Variants in PTGER3 observed in about 807,000 individuals in gnomAD.
PTGER3 encodes prostaglandin E receptor 3.
PTGER3 carries 22 observed loss-of-function variants against 34.7 expected under a neutral mutation model. The observed-to-expected ratio is 0.63, with a 90% confidence interval of 0.45 to 0.91. The LOEUF (loss-of-function observed/expected upper bound fraction) is 0.91, where lower values mean the gene tolerates loss of function less well. PTGER3 is among the 40% of genes least tolerant of loss of function. PTGER3 has a pLI of 0.00. For missense variants in PTGER3, 468 were observed against 519.4 expected (o/e 0.90, Z 0.96); for synonymous variants, 241 against 230.1 (o/e 1.05, Z -0.43).
At chr1:70,916,265 C>T (rs1004703240) in intron 4 of PTGER3, among the ~76,000 whole-genome samples, 2 of 151,968 alleles carry the variant, frequency 1.3e-5, no homozygotes, top group African/African-American at 4.8e-5. Context: ...AAAAGGGGAA[C>T]AATTATACAC....
rs1412692417 is a variant in PTGER3 at position 70,954,496 on chromosome 1, C to G, written c.1078-707G>C. ...TGTTCAGACAGTCTTAACATAGTCTCCTCATATTAATCCTCACAGCAATCC... is the reference window on the plus strand; with the variant it reads ...TGTTCAGACAGTCTTAACATAGTCTGCTCATATTAATCCTCACAGCAATCC... On this transcript the variant is annotated intron_variant, in intron 2 of 3. Transcript: ENST00000356595. 2.0e-5 allele frequency among the ~76,000 whole-genome samples: 3 copies of G among 152,092 alleles called. No individual in the cohort carries two copies. In the East Asian group the frequency reaches 5.8e-4, roughly 29 times the overall value.
intron 4 of PTGER3, among the ~76,000 whole-genome samples, chr1:70,867,069 C>T (rs1339634884): frequency 1.3e-5 from 2 of 152,206 alleles, no homozygotes; most frequent in African/African-American, 4.8e-5. Flanking sequence ...GGTTTACCAC[C>T]ACACTGTCAA....
chr1:70,889,686 CT>C (rs1168486149), intron 4 of PTGER3, among the ~76,000 whole-genome samples: 1 of 152,098 alleles, frequency 6.6e-6, no homozygotes, highest in East Asian at 1.9e-4. Flanking sequence ...GTGTTTAATT[CT>C]TTTCATATGG....
chr1:70,881,031 TGG>T (rs1177300404), intron 4 of PTGER3, among the ~76,000 whole-genome samples: 1 of 152,230 alleles, frequency 6.6e-6, no homozygotes, highest in Non-Finnish European at 1.5e-5. Context: ...TCCCTTTCCT[TGG>T]GATGCCAATG....
At chr1:70,916,721 C>T (rs1285177496) in intron 4 of PTGER3, among the ~76,000 whole-genome samples, 1 of 151,878 alleles carries the variant, frequency 6.6e-6, no homozygotes, top group African/African-American at 2.4e-5. Context: ...CTGCAGACAA[C>T]TGGGCGTGGG....
downstream of PTGER3, among the ~76,000 whole-genome samples, chr1:70,969,156 G>C (rs919949228): frequency 6.6e-6 from 1 of 152,054 alleles, no homozygotes; most frequent in Admixed American, 6.6e-5. Context: ...GCAGTGACCC[G>C]AGATCGCACC....
intron 4 of PTGER3, among the ~76,000 whole-genome samples, chr1:70,893,810 A>G (rs1413374384): frequency 6.6e-6 from 1 of 152,156 alleles, no homozygotes; most frequent in Non-Finnish European, 1.5e-5. Context: ...CAACAGAGAA[A>G]ATTCATTTGT....
chr1:71,039,272 A>C (rs1660081521), intron 1 of PTGER3, among the ~76,000 whole-genome samples: 1 of 152,066 alleles, frequency 6.6e-6, no homozygotes, highest in South Asian at 2.1e-4. Context: ...GGAGTTAGAG[A>C]GCTAACTAGA....
At chr1:70,993,957 G>A (rs1655696249) in intron 2 of PTGER3, among the ~76,000 whole-genome samples, 1 of 152,170 alleles carries the variant, frequency 6.6e-6, no homozygotes, top group Non-Finnish European at 1.5e-5. Context: ...GTTCTTGGAA[G>A]GAAAGTGTTT....
chr1:70,971,895 A>G (rs543142558), intron 3 of PTGER3, among the ~76,000 whole-genome samples, 162 bp from the exon 4 acceptor site: 4 of 152,316 alleles, frequency 2.6e-5, no homozygotes, highest in East Asian at 3.9e-4. Context: ...TAGATTTAAA[A>G]AAGCAATTGT....
intron 4 of PTGER3, among the ~76,000 whole-genome samples, chr1:70,941,921 C>T (rs145814682): frequency 2.1e-3 from 326 of 152,258 alleles, no homozygotes; most frequent in African/African-American, 7.4e-3. Flanking sequence ...CGACCGTCCT[C>T]CTTAAAAATC....
intron 4 of PTGER3, among the ~76,000 whole-genome samples, chr1:70,903,428 C>T (rs1489528901): frequency 1.3e-5 from 2 of 152,154 alleles, no homozygotes; most frequent in East Asian, 3.8e-4. Context: ...TTTCGATTTA[C>T]AAATCTTTGT....
downstream of PTGER3, among the ~76,000 whole-genome samples, chr1:70,969,511 G>A (rs2100666916): frequency 6.6e-6 from 1 of 152,198 alleles, no homozygotes; most frequent in East Asian, 1.9e-4. Context: ...TGTCACATGG[G>A]AAGAGACATA....
intron 1 of PTGER3, among the ~76,000 whole-genome samples, chr1:71,013,034 G>A (rs1657584721): frequency 6.6e-6 from 1 of 151,998 alleles, no homozygotes; most frequent in Non-Finnish European, 1.5e-5. Context: ...GCATAACACA[G>A]GTAGTATTAC....
At chr1:70,869,893 G>T (rs1646127210) in intron 4 of PTGER3, among the ~76,000 whole-genome samples, 1 of 152,174 alleles carries the variant, frequency 6.6e-6, no homozygotes, top group African/African-American at 2.4e-5. Context: ...GGTGCAAAGT[G>T]CCAGTGGTTC....
intron 4 of PTGER3, among the ~76,000 whole-genome samples, chr1:70,877,975 G>A (rs542122606): frequency 4.6e-5 from 7 of 152,228 alleles, no homozygotes; most frequent in African/African-American, 9.6e-5. Flanking sequence ...ATGAGTTAGG[G>A]AGGAGTCCCT....
intron 4 of PTGER3, among the ~76,000 whole-genome samples, chr1:70,868,615 T>C (rs1417365894): frequency 6.6e-6 from 1 of 152,186 alleles, no homozygotes; most frequent in Non-Finnish European, 1.5e-5. Context: ...GAGGCAGGAC[T>C]GTCTGAGTGA....
intron 4 of PTGER3, among the ~76,000 whole-genome samples, chr1:70,932,791 C>A (rs1469051098): frequency 6.6e-6 from 1 of 152,120 alleles, no homozygotes; most frequent in African/African-American, 2.4e-5. Flanking sequence ...CCTCTTTCAA[C>A]TATGCCCCCA....
chr1:70,932,763 G>A (rs1457709550), intron 4 of PTGER3, among the ~76,000 whole-genome samples: 1 of 152,122 alleles, frequency 6.6e-6, no homozygotes, highest in Non-Finnish European at 1.5e-5. Context: ...GGGACACAGA[G>A]CCAAACTATA....
Sources: allele counts gnomAD v4.1 joint callset (sites outside exome capture counted in the v4.1 genomes callset), GRCh38; gene constraint gnomAD v4.1.1; transcripts MANE v1.5; gene names NCBI Gene and HGNC (gene_info 2026-07-23, HGNC 2026-07-21).